Variants in MDFIC observed in about 807,000 individuals in gnomAD.
MDFIC encodes the protein MyoD family inhibitor domain containing.
Under a neutral mutation model 23.2 loss-of-function variants are expected in MDFIC, and 17 were observed. The observed-to-expected ratio is 0.73, with a 90% CI of 0.50 to 1.10. The LOEUF (loss-of-function observed/expected upper bound fraction) is 1.10. Among genes scored for constraint, MDFIC ranks in the 50% least tolerant of loss-of-function variants. The pLI, the probability that MDFIC is intolerant of heterozygous loss-of-function variation, is 0.00. For missense variants in MDFIC, 356 were observed against 316.6 expected (o/e 1.12, Z -0.95); for synonymous variants, 120 against 115.2 (o/e 1.04, Z -0.27).
At chr7:114,926,358 A>G (rs1792189542) in intron 2 of MDFIC, among the ~76,000 whole-genome samples, 1 of 152,238 alleles carries the variant, frequency 6.6e-6, no homozygotes, top group Admixed American at 6.5e-5. Context: ...GGGTAGAAGC[A>G]CAAATTATAA....
intron 2 of MDFIC, among the ~76,000 whole-genome samples, chr7:114,935,958 A>G (rs1291505008): frequency 6.6e-6 from 1 of 152,134 alleles, no homozygotes; most frequent in Non-Finnish European, 1.5e-5. Context: ...TACTGCAATA[A>G]CACTTAATGT....
At chr7:114,947,357 G>A (rs1194688511) in intron 3 of MDFIC, among the ~76,000 whole-genome samples, 2 of 152,098 alleles carry the variant, frequency 1.3e-5, no homozygotes, top group African/African-American at 2.4e-5. Context: ...TATGTTGGAC[G>A]TTATGTGACT....
rs1791851640 is a variant in MDFIC, at chr7:115,019,004, T to C, written c.*3069T>C. 6.8e-6 allele frequency: 1 copy of C among 147,282 alleles called. No homozygotes were observed. Among genetic ancestry groups the C allele is most frequent in the South Asian group, 2.2e-4 (1 of 4,518 alleles). 9.1% of individuals were successfully genotyped at this position (147,282 alleles called of 1,614,324 possible). ...TTTAAAAATCTATAATATGTCAAAA[T>C]ACAAGTTTTTTTTTTTTACATCGTT... On this transcript the variant is annotated 3_prime_UTR_variant, in exon 5 of 5. Coordinates refer to ENST00000393486, the MANE Select transcript of MDFIC (RefSeq NM_001166345.3).
At chr7:114,933,012 C>T (rs921685871) in intron 2 of MDFIC, among the ~76,000 whole-genome samples, 2 of 152,178 alleles carry the variant, frequency 1.3e-5, no homozygotes, top group South Asian at 2.1e-4. Flanking sequence ...GATTAAACAA[C>T]CCCCTTTGAT....
Position 114,979,545 on chromosome 7 carries a change from A to G in MDFIC, c.257A>G (p.Gln86Arg), listed in dbSNP as rs972621314. The change falls in exon 4 of 5, where the codon CAG becomes CGG. Residue 86 changes from glutamine (Q) to arginine (R), a missense_variant. Transcript: ENST00000393486. ...TTGCCTCAGCTTCAGACTTCAGCCC[A>G]GGTGCCAAGTGGTGAGGAAATAGGC... is the stretch of plus-strand genomic sequence containing the variant. Reference protein sequence around the residue: ...QRLPQLQTSAQVPSGEEIGKI... With the variant: ...QRLPQLQTSARVPSGEEIGKI... 6.2e-7 allele frequency: 1 copy of G among 1,614,018 alleles called. No homozygotes were observed. Among genetic ancestry groups the G allele is most frequent in the Non-Finnish European group, 8.5e-7 (1 of 1,179,912 alleles).
At chr7:114,963,122 G>A (rs1457198513) in intron 3 of MDFIC, among the ~76,000 whole-genome samples, 1 of 152,044 alleles carries the variant, frequency 6.6e-6, no homozygotes, top group Non-Finnish European at 1.5e-5. Context: ...AAATATTTAA[G>A]CCAATTTCTG....
Position 115,017,701 on chromosome 7 carries a change from C to T in MDFIC, c.*1766C>T, listed in dbSNP as rs1252291792. On this transcript the variant is annotated 3_prime_UTR_variant, in exon 5 of 5. Transcript: ENST00000393486. ...TGAAAGGGAGAGTAAATTTTCATAC[C>T]ATGCTCTCTCCTACTCAGTTTGATC... The T allele has an allele frequency of 1.3e-5, 2 of 152,308 alleles. No homozygotes were observed. The highest frequency in any genetic ancestry group is 4.8e-5 in the African/African-American group (2 of 41,386). 9.4% of individuals were successfully genotyped at this position (152,308 alleles called of 1,614,324 possible). A position where few individuals can be genotyped will look rare whatever the true frequency, so the allele number is the denominator to read the frequency against.
intron 4 of MDFIC, among the ~76,000 whole-genome samples, chr7:114,994,833 T>A (rs1336095060): frequency 6.6e-6 from 1 of 152,208 alleles, no homozygotes; most frequent in African/African-American, 2.4e-5. Context: ...GTCTTGGAGT[T>A]GCTCTTCTTG....
chr7:114,966,073 A>C (rs1302807825), intron 3 of MDFIC, among the ~76,000 whole-genome samples: 1 of 152,192 alleles, frequency 6.6e-6, no homozygotes, highest in Admixed American at 6.5e-5. Flanking sequence ...TTAGTGTTTC[A>C]CATGTTTGCC....
At chr7:115,005,759 A>G (rs1791557371) in intron 4 of MDFIC, among the ~76,000 whole-genome samples, 1 of 152,208 alleles carries the variant, frequency 6.6e-6, no homozygotes, top group African/African-American at 2.4e-5. Context: ...TTTATACCTT[A>G]TAATTTCAAT....
At chr7:114,939,443 G>A (rs1792495629) in intron 2 of MDFIC, among the ~76,000 whole-genome samples, 1 of 152,160 alleles carries the variant, frequency 6.6e-6, no homozygotes, top group African/African-American at 2.4e-5. Context: ...TAATCATACA[G>A]AGAATGATAG....
At chr7:115,010,964 A>AT (rs1280921809) in intron 4 of MDFIC, among the ~76,000 whole-genome samples, 1 of 152,202 alleles carries the variant, frequency 6.6e-6, no homozygotes, top group Non-Finnish European at 1.5e-5. Context: ...ATTCAGAATA[A>AT]TTTTTTAAAA....
chr7:114,950,514 G>A (rs1046841952), intron 3 of MDFIC, among the ~76,000 whole-genome samples: 1 of 152,112 alleles, frequency 6.6e-6, no homozygotes, highest in Non-Finnish European at 1.5e-5. Context: ...CATCAGAGGG[G>A]TTAATAGTCC....
At chr7:114,949,011 G>C (rs1051758229) in intron 3 of MDFIC, among the ~76,000 whole-genome samples, 1 of 152,222 alleles carries the variant, frequency 6.6e-6, no homozygotes, top group South Asian at 2.1e-4. Context: ...GATCAGATTT[G>C]TTTTCGTGAA....
chr7:114,945,603 A>G (rs1792628709), intron 3 of MDFIC, among the ~76,000 whole-genome samples: 1 of 152,204 alleles, frequency 6.6e-6, no homozygotes, highest in Non-Finnish European at 1.5e-5. Flanking sequence ...AGTAATAAAT[A>G]AAAAGAAGAA....
chr7:114,937,116 G>C (rs1380784830), intron 2 of MDFIC, among the ~76,000 whole-genome samples: 1 of 151,922 alleles, frequency 6.6e-6, no homozygotes, highest in Non-Finnish European at 1.5e-5. Flanking sequence ...TGCCAACTAG[G>C]TAAAATATTA....
chr7:114,953,712 C>A (rs146580792), intron 3 of MDFIC, among the ~76,000 whole-genome samples: 183 of 152,278 alleles, frequency 1.2e-3, no homozygotes, highest in African/African-American at 4.2e-3. Context: ...GGCCCCTGAG[C>A]ATACCCTAAT....
At chr7:115,012,008 C>T (rs1791693037) in intron 4 of MDFIC, among the ~76,000 whole-genome samples, 2 of 152,194 alleles carry the variant, frequency 1.3e-5, no homozygotes, top group Admixed American at 6.5e-5. Flanking sequence ...TTCTATCTGT[C>T]ACTTAACTTC....
intron 3 of MDFIC, among the ~76,000 whole-genome samples, chr7:114,971,774 T>G (rs1453366065): frequency 6.6e-5 from 10 of 152,186 alleles, no homozygotes. Context: ...GATGTTTTAG[T>G]AATACATGCA....
Sources: gnomAD v4.1 joint callset for allele counts (sites outside exome capture counted in the v4.1 genomes callset) on GRCh38, gnomAD v4.1.1 for gene constraint, MANE v1.5 for transcripts, NCBI Gene and HGNC (gene_info 2026-07-23, HGNC 2026-07-21) for gene names.